HS2ST1: variants seen among roughly 807,000 people sequenced by gnomAD.
The protein encoded by HS2ST1 is 2-O-sulfotransferase.
In HS2ST1, 18 loss-of-function variants were observed where a neutral mutation model predicts 42.9. The ratio of observed to expected loss-of-function variants is 0.42; its 90% CI spans 0.29 to 0.62. HS2ST1 has a LOEUF of 0.62. Among genes scored for constraint, HS2ST1 ranks in the 20% least tolerant of loss-of-function variants. The pLI is 0.21. For missense variants in HS2ST1, 334 were observed against 433.8 expected (o/e 0.77, Z 2.04); for synonymous variants, 146 against 152.9 (o/e 0.95, Z 0.33).
At chr1:87,078,588 C>G (rs1347739413) in intron 2 of HS2ST1, among the ~76,000 whole-genome samples, 1 of 152,146 alleles carries the variant, frequency 6.6e-6, no homozygotes, top group African/African-American at 2.4e-5. Flanking sequence ...ATTTCTTCTC[C>G]CCAAGCCAGA....
At chr1:87,080,645 A>G (rs1651662066) in intron 2 of HS2ST1, among the ~76,000 whole-genome samples, 1 of 152,182 alleles carries the variant, frequency 6.6e-6, no homozygotes, top group Non-Finnish European at 1.5e-5. Context: ...TAGTTTTAAC[A>G]TATTAAGGAA....
intron 1 of HS2ST1, among the ~76,000 whole-genome samples, chr1:87,051,822 G>A (rs536885122): frequency 3.3e-5 from 5 of 152,118 alleles, no homozygotes; most frequent in Admixed American, 6.6e-5. Context: ...AAGGAAGACA[G>A]TTTTTGGAAA....
intron 1 of HS2ST1, among the ~76,000 whole-genome samples, chr1:87,070,028 T>C (rs1395691052): frequency 6.6e-6 from 1 of 152,206 alleles, no homozygotes; most frequent in Non-Finnish European, 1.5e-5. Flanking sequence ...AAAAAACTAG[T>C]GTGAGTAAAT....
At chr1:87,034,977 A>C (rs536121382) in intron 1 of HS2ST1, among the ~76,000 whole-genome samples, 6 of 152,318 alleles carry the variant, frequency 3.9e-5, no homozygotes, top group African/African-American at 1.4e-4. Context: ...CAAGAGAATC[A>C]GAGTCCTAAA....
intron 1 of HS2ST1, among the ~76,000 whole-genome samples, chr1:87,058,022 G>A (rs1247091167): frequency 6.6e-6 from 1 of 151,496 alleles, no homozygotes. Context: ...TGCTTCTTTC[G>A]ATTTTGTTTT....
At chr1:87,099,482 A>G (rs1464194781) in intron 5 of HS2ST1, among the ~76,000 whole-genome samples, 1 of 152,190 alleles carries the variant, frequency 6.6e-6, no homozygotes, top group Non-Finnish European at 1.5e-5. Context: ...AGGGGATGGC[A>G]CTAAACCATT....
At chr1:86,986,501 C>T (rs1361446065) in intron 1 of HS2ST1, among the ~76,000 whole-genome samples, 3 of 152,080 alleles carry the variant, frequency 2.0e-5, no homozygotes, top group Admixed American at 6.6e-5. Context: ...ATTTACGTGC[C>T]AAAGGAGAAT....
At position 87,038,818 on chromosome 1, in the gene HS2ST1, A is replaced by G. The variant is rs1458221579; in HGVS notation, c.125-34116A>G. On this transcript the variant is annotated intron_variant, in intron 1 of 6. Coordinates refer to ENST00000370550, the MANE Select transcript of HS2ST1 (RefSeq NM_012262.4). ...GGTTGGGAATTGGGCAGATAGATAC[A>G]GAACAAGAGAGAAACTAAAAAAAAA... is the stretch of plus-strand genomic sequence containing the variant. Among the ~76,000 whole-genome samples, 4 of 152,224 alleles carry G rather than the reference A, an allele frequency of 2.6e-5. No individual in the cohort carries two copies. The East Asian group carries it at 7.7e-4, about 29-fold the overall frequency.
intron 1 of HS2ST1, among the ~76,000 whole-genome samples, chr1:86,978,170 A>C (rs559148026): frequency 9.3e-4 from 142 of 152,282 alleles, no homozygotes; most frequent in Non-Finnish European, 1.7e-3. Context: ...GTGTAAATGC[A>C]CTCTGATGTT....
intron 4 of HS2ST1, 59 bp downstream of exon 4, chr1:87,092,728 A>G (rs532395681): frequency 1.9e-6 from 2 of 1,058,070 alleles, no homozygotes; most frequent in Admixed American, 6.4e-5. Context: ...GCAGTGAGCA[A>G]TGTGCTTTTA....
chr1:86,918,879 T>G (rs554484801), intron 1 of HS2ST1, among the ~76,000 whole-genome samples: 2 of 151,710 alleles, frequency 1.3e-5, no homozygotes, highest in East Asian at 3.9e-4. Flanking sequence ...TTTTTTCTAT[T>G]TTTCTATTGG....
chr1:86,932,354 A>T (rs759165859), intron 1 of HS2ST1: 7 of 152,118 alleles, frequency 4.6e-5, no homozygotes, highest in Non-Finnish European at 8.8e-5. Context: ...ATGCAGACAG[A>T]CGGAATAAAT....
rs754517476 is a variant in HS2ST1 at position 87,057,860 on chromosome 1, AAAAG to A, written c.125-15072_125-15069del. 2.0e-5 allele frequency among the ~76,000 whole-genome samples: 3 copies of A among 151,646 alleles called. 1 individual carries two copies. Among genetic ancestry groups the A allele is most frequent in the Admixed American group, 2.0e-4 (3 of 15,280 alleles). Reference sequence around the variant, plus strand: ...AGCGAGACTCTGTCTCAAAAAAAGAAAAAGAGAGAGAAAAAAAACTGTATTTTTT... The same window carrying A: ...AGCGAGACTCTGTCTCAAAAAAAGAAAGAGAGAAAAAAAACTGTATTTTTT... On this transcript the variant is annotated intron_variant, in intron 1 of 6. Coordinates refer to ENST00000370550, the MANE Select transcript of HS2ST1 (RefSeq NM_012262.4).
intron 2 of HS2ST1, among the ~76,000 whole-genome samples, chr1:87,082,008 G>GT (rs1159083404): frequency 1.3e-5 from 2 of 151,450 alleles, no homozygotes; most frequent in Non-Finnish European, 2.9e-5. Flanking sequence ...AAAAAAGAAG[G>GT]TTTTTTTGAA....
chr1:87,096,776 A>G (rs1652079132), intron 4 of HS2ST1, among the ~76,000 whole-genome samples: 1 of 152,230 alleles, frequency 6.6e-6, no homozygotes, highest in Non-Finnish European at 1.5e-5. Flanking sequence ...GTGGGATATC[A>G]ACACTGTCAG....
At chr1:87,034,680 C>T (rs530920404) in intron 1 of HS2ST1, among the ~76,000 whole-genome samples, 34 of 152,144 alleles carry the variant, frequency 2.2e-4, no homozygotes, top group African/African-American at 7.7e-4. Context: ...AGTATATGTA[C>T]GAAGCTTTCC....
chr1:86,988,587 C>G (rs932807374), intron 1 of HS2ST1, among the ~76,000 whole-genome samples: 1 of 152,132 alleles, frequency 6.6e-6, no homozygotes, highest in African/African-American at 2.4e-5. Flanking sequence ...GTAGCTTTGC[C>G]CAGACCTTGG....
chr1:87,077,723 CTA>C (rs1470532932), intron 2 of HS2ST1, among the ~76,000 whole-genome samples: 2 of 152,184 alleles, frequency 1.3e-5, no homozygotes, highest in Admixed American at 6.5e-5. Context: ...ATAGTAGAAA[CTA>C]TACATTTTTT....
At chr1:87,039,819 C>T (rs566601794) in intron 1 of HS2ST1, among the ~76,000 whole-genome samples, 10 of 152,104 alleles carry the variant, frequency 6.6e-5, no homozygotes, top group Non-Finnish European at 1.3e-4. Context: ...AGTTTCTAGA[C>T]TAGGTGCCAA....
Sources: allele counts gnomAD v4.1 joint callset (sites outside exome capture counted in the v4.1 genomes callset), GRCh38; gene constraint gnomAD v4.1.1; transcripts MANE v1.5; gene names NCBI Gene and HGNC (gene_info 2026-07-23, HGNC 2026-07-21).